CFAP299: variants seen among roughly 807,000 people sequenced by gnomAD.
CFAP299 encodes the protein cilia- and flagella-associated protein 299.
A neutral mutation model predicts 27.0 loss-of-function variants in CFAP299; 21 were observed. The ratio of observed to expected loss-of-function variants is 0.78; its 90% CI spans 0.55 to 1.12. The LOEUF is 1.12. Among genes scored for constraint, CFAP299 ranks in the 50% most tolerant of loss-of-function variants. CFAP299 has a pLI of 0.00. For synonymous variants in CFAP299, 104 were observed against 98.1 expected (o/e 1.06, Z -0.36); for missense variants, 310 against 276.6 (o/e 1.12, Z -0.86).
At chr4:80,346,474 G>C (rs1359134519) in intron 1 of CFAP299, among the ~76,000 whole-genome samples, 1 of 152,168 alleles carries the variant, frequency 6.6e-6, no homozygotes, top group South Asian at 2.1e-4. Context: ...AAGGGATCCA[G>C]TTTCAGCTTT....
intron 2 of CFAP299, among the ~76,000 whole-genome samples, chr4:80,516,936 C>T (rs1378260281): frequency 6.6e-6 from 1 of 152,116 alleles, no homozygotes; most frequent in Non-Finnish European, 1.5e-5. Context: ...AAATCATATC[C>T]CCTAGGGCAG....
At position 80,478,163 on chromosome 4, in the gene CFAP299, C is replaced by A. The variant is rs374468560; in HGVS notation, c.243-104930C>A. Among the ~76,000 whole-genome samples the A allele has an allele frequency of 3.3e-4, 50 of 152,254 alleles. No individual in the cohort carries two copies. The South Asian group carries it at 0.01, about 31-fold the overall frequency. On this transcript the variant is annotated intron_variant, in intron 2 of 5. Transcript: ENST00000358105. ...TAACTTAAATTGTGATAAAGGATGT[C>A]GTACCTGGTGTATTGTATGCCAACT...
At chr4:80,808,037 AAAAC>A (rs1289805060) in intron 3 of CFAP299, among the ~76,000 whole-genome samples, 1 of 150,620 alleles carries the variant, frequency 6.6e-6, no homozygotes, top group Non-Finnish European at 1.5e-5. Flanking sequence ...AGTTAAAAAA[AAAAC>A]AAAGGGGAAA....
rs147577728 is a variant in CFAP299 at position 80,530,766 on chromosome 4, G to A, written c.243-52327G>A. On this transcript the variant is annotated intron_variant, in intron 2 of 5. Transcript: ENST00000358105. Reference sequence around the variant, plus strand: ...GACGATAGTTAGAAAGAGATGAAAGGGAAGTGAAGAAGAAAGCAGAGCTGA... The same window carrying A: ...GACGATAGTTAGAAAGAGATGAAAGAGAAGTGAAGAAGAAAGCAGAGCTGA... Among the ~76,000 whole-genome samples, 134 of 152,324 alleles carry A rather than the reference G, an allele frequency of 8.8e-4. 1 individual carries two copies. Among genetic ancestry groups the A allele is most frequent in the African/African-American group, 3.1e-3 (130 of 41,576 alleles).
intron 2 of CFAP299, among the ~76,000 whole-genome samples, chr4:80,398,088 T>C (rs1201646203): frequency 2.0e-5 from 3 of 152,124 alleles, no homozygotes; most frequent in Non-Finnish European, 4.4e-5. Flanking sequence ...CCATTCACAA[T>C]TGCTTCAAAG....
intron 5 of CFAP299, among the ~76,000 whole-genome samples, chr4:80,962,834 T>A (rs892070557): frequency 1.3e-5 from 2 of 151,994 alleles, no homozygotes; most frequent in Non-Finnish European, 2.9e-5. Flanking sequence ...TGTGCAACTC[T>A]TTTAGAATCA....
chr4:80,644,261 A>G (rs1385644771), intron 3 of CFAP299, among the ~76,000 whole-genome samples: 1 of 152,206 alleles, frequency 6.6e-6, no homozygotes, highest in African/African-American at 2.4e-5. Context: ...ACAATATAAA[A>G]GGATACAAGC....
intron 2 of CFAP299, among the ~76,000 whole-genome samples, chr4:80,485,871 G>A (rs929478489): frequency 5.0e-4 from 76 of 152,042 alleles, no homozygotes; most frequent in Non-Finnish European, 3.8e-4. Flanking sequence ...CAATGCCTTA[G>A]CCACTAATAA....
intron 4 of CFAP299, among the ~76,000 whole-genome samples, chr4:80,873,744 A>T (rs1733231744): frequency 6.6e-6 from 1 of 152,202 alleles, no homozygotes; most frequent in Admixed American, 6.5e-5. Flanking sequence ...ATCACTTATA[A>T]GCTCCGCATA....
intron 5 of CFAP299, among the ~76,000 whole-genome samples, chr4:80,957,844 G>A (rs1304944955): frequency 6.6e-6 from 1 of 152,094 alleles, no homozygotes; most frequent in African/African-American, 2.4e-5. Context: ...ATTTCGGGAA[G>A]GTTATTCTTG....
chr4:80,927,571 C>T (rs1234467016), intron 4 of CFAP299, among the ~76,000 whole-genome samples: 2 of 152,066 alleles, frequency 1.3e-5, no homozygotes, highest in Non-Finnish European at 2.9e-5. Context: ...AGGCTGAAAT[C>T]AAGGTGTTGG....
At chr4:80,333,145 T>C (rs891713581), upstream of CFAP299, among the ~76,000 whole-genome samples, 3 of 152,200 alleles carry the variant, frequency 2.0e-5, no homozygotes, top group Non-Finnish European at 2.9e-5. Flanking sequence ...TCCCGGATTA[T>C]GACACATGAA....
chr4:80,533,466 A>G (rs917072880), intron 2 of CFAP299, among the ~76,000 whole-genome samples: 1 of 152,252 alleles, frequency 6.6e-6, no homozygotes, highest in East Asian at 1.9e-4. Flanking sequence ...ATTTTTTGCC[A>G]CTAAATCCCT....
At chr4:80,393,886 G>A (rs61210077) in intron 2 of CFAP299, among the ~76,000 whole-genome samples, 8,747 of 152,084 alleles carry the variant, frequency 0.058, 790 homozygotes, top group African/African-American at 0.19. Flanking sequence ...TAATCCCCAC[G>A]TGTCAAGAGT....
chr4:80,475,024 C>A (rs951610195), intron 2 of CFAP299, among the ~76,000 whole-genome samples: 1 of 152,024 alleles, frequency 6.6e-6, no homozygotes, highest in African/African-American at 2.4e-5. Flanking sequence ...AGAGAGTGAG[C>A]CTTGCAAAGA....
chr4:80,908,899 C>T (rs1004876902), intron 4 of CFAP299, among the ~76,000 whole-genome samples: 2 of 151,938 alleles, frequency 1.3e-5, no homozygotes, highest in African/African-American at 2.4e-5. Flanking sequence ...CACACATACA[C>T]GCAAGCACAC....
chr4:80,373,037 G>C (rs1724223946), intron 2 of CFAP299, among the ~76,000 whole-genome samples: 1 of 152,104 alleles, frequency 6.6e-6, no homozygotes, highest in African/African-American at 2.4e-5. Flanking sequence ...TATTCTCCAG[G>C]ATTCAACATG....
At chr4:80,776,890 C>G (rs1225790114) in intron 3 of CFAP299, among the ~76,000 whole-genome samples, 1 of 150,936 alleles carries the variant, frequency 6.6e-6, no homozygotes, top group South Asian at 2.1e-4. Context: ...AAAAAAAAAC[C>G]CTCTGGGACA....
chr4:80,507,084 TCTATTATTTACAGCC>T (rs1467457368), intron 2 of CFAP299, among the ~76,000 whole-genome samples: 4 of 152,210 alleles, frequency 2.6e-5, no homozygotes, highest in Non-Finnish European at 5.9e-5. Context: ...TTCAAGTTGT[TCTATTATTTACAGCC>T]CTAGAAATGC....
Sources: gnomAD v4.1 joint callset for allele counts (sites outside exome capture counted in the v4.1 genomes callset) on GRCh38, gnomAD v4.1.1 for gene constraint, MANE v1.5 for transcripts, NCBI Gene and HGNC (gene_info 2026-07-23, HGNC 2026-07-21) for gene names.